Variants in LPGAT1 observed in about 807,000 individuals in gnomAD.
LPGAT1 encodes the protein lysophosphatidylglycerol acyltransferase 1.
In LPGAT1, 11 loss-of-function variants were observed where a neutral mutation model predicts 47.5. The ratio of observed to expected loss-of-function variants is 0.23; its 90% confidence interval spans 0.15 to 0.38. The LOEUF (loss-of-function observed/expected upper bound fraction) is 0.38, where lower values mean the gene tolerates loss of function less well. LPGAT1 is among the 10% of genes least tolerant of loss of function. The pLI is 1.00. For missense variants in LPGAT1, 293 were observed against 439.0 expected (o/e 0.67, Z 2.97); for synonymous variants, 138 against 144.2 (o/e 0.96, Z 0.31).
intron 2 of LPGAT1, among the ~76,000 whole-genome samples, chr1:211,798,677 T>C (rs1659447196): frequency 1.3e-5 from 2 of 151,924 alleles, no homozygotes; most frequent in South Asian, 4.2e-4. Context: ...ATATAGACAC[T>C]CTCTCTAAAA....
At chr1:211,764,387 A>G (rs1657823240) in intron 6 of LPGAT1, among the ~76,000 whole-genome samples, 1 of 152,194 alleles carries the variant, frequency 6.6e-6, no homozygotes, top group Admixed American at 6.5e-5. Context: ...GTAATCTGTG[A>G]GCACAAAACT....
At chr1:211,817,710 T>C (rs1232626645) in intron 2 of LPGAT1, among the ~76,000 whole-genome samples, 1 of 152,226 alleles carries the variant, frequency 6.6e-6, no homozygotes, top group African/African-American at 2.4e-5. Flanking sequence ...ATAGGATACA[T>C]GAAACTTGAA....
chr1:211,805,912 AG>A (rs1030147074), intron 2 of LPGAT1, among the ~76,000 whole-genome samples: 6 of 152,218 alleles, frequency 3.9e-5, no homozygotes, highest in African/African-American at 1.4e-4. Flanking sequence ...GGAATCCAAC[AG>A]TATATACCAT....
chr1:211,768,196 T>C (rs1218956913), intron 6 of LPGAT1, among the ~76,000 whole-genome samples: 6 of 152,232 alleles, frequency 3.9e-5, no homozygotes, highest in Non-Finnish European at 7.3e-5. Context: ...ACCTATTTAG[T>C]ATCTTATTAA....
At position 211,774,305 on chromosome 1, in the gene LPGAT1, C is replaced by T. The variant is rs150318991; in HGVS notation, c.854+4613G>A. 9.1e-4 allele frequency among the ~76,000 whole-genome samples: 138 copies of T among 151,566 alleles called. No homozygotes were observed. The East Asian group carries it at 0.02, about 22-fold the overall frequency. ...CTAATTTTTGTATTTTTGGTAGAGA[C>T]GGGGTTTCACCATGTTGGCCGGGCT... is the stretch of plus-strand genomic sequence containing the variant. On this transcript the variant is annotated intron_variant, in intron 6 of 7. Coordinates refer to ENST00000366997, the MANE Select transcript of LPGAT1 (RefSeq NM_014873.3).
chr1:211,762,491 A>G (rs1175912351), intron 6 of LPGAT1, among the ~76,000 whole-genome samples: 1 of 152,252 alleles, frequency 6.6e-6, no homozygotes, highest in Non-Finnish European at 1.5e-5. Flanking sequence ...ATTGGTCACC[A>G]TAGGATTAAA....
chr1:211,749,261 G>A lies in LPGAT1; in HGVS notation c.*638C>T, dbSNP rs28368551. ...AAAAGCACGAGTGTATGTAAACACAGTGTTGGACTGAGCTAGCCTTTGTAA... is the reference window on the plus strand; with the variant it reads ...AAAAGCACGAGTGTATGTAAACACAATGTTGGACTGAGCTAGCCTTTGTAA... On this transcript the variant is annotated 3_prime_UTR_variant, in exon 8 of 8. Coordinates refer to ENST00000366997, the MANE Select transcript of LPGAT1 (RefSeq NM_014873.3). 51,225 of 152,652 alleles carry A rather than the reference G, an allele frequency of 0.34. 10,176 individuals are homozygous for A. Among genetic ancestry groups the A allele is most frequent in the East Asian group, 0.72 (3,709 of 5,184 alleles). 9.5% of individuals were successfully genotyped at this position (152,652 alleles called of 1,614,324 possible).
At chr1:211,783,168 T>C in intron 5 of LPGAT1, 61 bp downstream of exon 5, 1 of 1,406,454 alleles carries the variant, frequency 7.1e-7, no homozygotes, top group Non-Finnish European at 9.6e-7. Context: ...ATGATCATCT[T>C]CTGTAACTCC....
chr1:211,749,658 A>C lies in LPGAT1; in HGVS notation c.*241T>G. On this transcript the variant is annotated 3_prime_UTR_variant, in exon 8 of 8. Coordinates refer to ENST00000366997, the MANE Select transcript of LPGAT1 (RefSeq NM_014873.3). ...CTTCTCCAAATGTGATGTTTGCTTAAATATGTGATAGAGTGTATCTTTTTA... is the reference window on the plus strand; with the variant it reads ...CTTCTCCAAATGTGATGTTTGCTTACATATGTGATAGAGTGTATCTTTTTA... 2.4e-6 allele frequency: 1 copy of C among 418,410 alleles called. No individual in the cohort carries two copies. Among genetic ancestry groups the C allele is most frequent in the Non-Finnish European group, 4.2e-6 (1 of 235,890 alleles). 25.9% of individuals were successfully genotyped at this position (418,410 alleles called of 1,614,324 possible). A position where few individuals can be genotyped will look rare whatever the true frequency, so the allele number is the denominator to read the frequency against.
At chr1:211,791,228 C>T (rs1659098776) in intron 3 of LPGAT1, among the ~76,000 whole-genome samples, 1 of 152,154 alleles carries the variant, frequency 6.6e-6, no homozygotes, top group Non-Finnish European at 1.5e-5. Flanking sequence ...TCTGACCCTA[C>T]CCTAACCTAG....
intron 6 of LPGAT1, among the ~76,000 whole-genome samples, chr1:211,778,431 A>T (rs982341549): frequency 6.6e-6 from 1 of 152,056 alleles, no homozygotes; most frequent in African/African-American, 2.4e-5. Flanking sequence ...GAACCATAAA[A>T]ATGGGCAACC....
chr1:211,767,600 A>G (rs147460950), intron 6 of LPGAT1, among the ~76,000 whole-genome samples: 2 of 152,336 alleles, frequency 1.3e-5, no homozygotes, highest in East Asian at 3.9e-4. Flanking sequence ...AGCTCTGAAC[A>G]GTGACTGATG....
chr1:211,779,715 G>A (rs972549585), intron 5 of LPGAT1, among the ~76,000 whole-genome samples: 1 of 152,104 alleles, frequency 6.6e-6, no homozygotes, highest in Non-Finnish European at 1.5e-5. Flanking sequence ...AGCCGGGTAT[G>A]GTGGTGCATG....
rs1323316657 is a variant in LPGAT1 at position 211,778,970 on chromosome 1, G to C, written c.802C>G (p.Gln268Glu). Residue 268 changes from glutamine (Q) to glutamate (E), a missense_variant, in exon 6 of 8, where the codon CAA (glutamine) becomes GAA (glutamate). Transcript: ENST00000366997. The part of the protein sequence containing the change: ...AYPKAEPIDI[Q>E]TWILGYRKPT... ...TTCCTGTATCCAAGGATCCAGGTTT[G>C]AATATCTATAGGTTCAGCTTTGGGA... 6.2e-7 allele frequency: 1 copy of C among 1,609,704 alleles called. No individual in the cohort carries two copies. The highest frequency in any genetic ancestry group is 2.2e-5 in the East Asian group (1 of 44,572).
chr1:211,752,447 GATTA>G (rs140346597), intron 6 of LPGAT1, among the ~76,000 whole-genome samples: 1 of 152,248 alleles, frequency 6.6e-6, no homozygotes, highest in Non-Finnish European at 1.5e-5. Context: ...GCTTCTTATA[GATTA>G]ATTCTCCTCC....
intron 2 of LPGAT1, 148 bp downstream of exon 2, chr1:211,828,911 A>C: frequency 1.4e-6 from 1 of 713,894 alleles, no homozygotes; most frequent in Non-Finnish European, 2.3e-6. Flanking sequence ...TGAGATTCTG[A>C]AGAGAAACCC....
intron 3 of LPGAT1, among the ~76,000 whole-genome samples, chr1:211,789,890 A>C: frequency 6.9e-6 from 1 of 145,980 alleles, no homozygotes; most frequent in Non-Finnish European, 1.5e-5. Flanking sequence ...AAAAAGTACC[A>C]ACACTTTCAG....
intron 6 of LPGAT1, among the ~76,000 whole-genome samples, chr1:211,773,858 T>G (rs1347253716): frequency 1.3e-5 from 2 of 152,224 alleles, no homozygotes; most frequent in Non-Finnish European, 1.5e-5. Flanking sequence ...TAGGTAAGTC[T>G]TAGTTCTTTT....
At position 211,744,780 on chromosome 1, in the gene LPGAT1, G is replaced by A. The variant is rs543033112; in HGVS notation, c.*5119C>T. Reference sequence around the variant, plus strand: ...GCTAAACATTTACCAGCACACCACTGGATTGGGAGAATGGGGAGAAAGGGG... The same window carrying A: ...GCTAAACATTTACCAGCACACCACTAGATTGGGAGAATGGGGAGAAAGGGG... On this transcript the variant is annotated 3_prime_UTR_variant, in exon 8 of 8. Coordinates refer to ENST00000366997, the MANE Select transcript of LPGAT1 (RefSeq NM_014873.3). 1 of 152,148 alleles carries A rather than the reference G, an allele frequency of 6.6e-6. No homozygotes were observed. Among genetic ancestry groups the A allele is most frequent in the African/African-American group, 2.4e-5 (1 of 41,388 alleles). 9.4% of individuals were successfully genotyped at this position (152,148 alleles called of 1,614,324 possible). A position where few individuals can be genotyped will look rare whatever the true frequency, so the allele number is the denominator to read the frequency against.
Sources: gnomAD v4.1 joint callset for allele counts (sites outside exome capture counted in the v4.1 genomes callset) on GRCh38, gnomAD v4.1.1 for gene constraint, MANE v1.5 for transcripts, NCBI Gene and HGNC (gene_info 2026-07-23, HGNC 2026-07-21) for gene names.